The following RCN1 variants were observed in gnomAD, a reference collection of about 807,000 sequenced individuals.
The protein encoded by RCN1 is reticulocalbin-1.
A neutral mutation model predicts 34.7 loss-of-function variants in RCN1; 14 were observed. The observed-to-expected ratio is 0.40, with a 90% CI of 0.27 to 0.63. The LOEUF is 0.63. Ranked by LOEUF, RCN1 falls within the 30% of genes least tolerant of loss-of-function variation. The probability of loss-of-function intolerance (pLI) is 0.37; values close to 1 mark genes in which losing one functional copy is unlikely to be tolerated. For missense variants in RCN1, 326 were observed against 425.1 expected (o/e 0.77, Z 2.05); for synonymous variants, 125 against 165.5 (o/e 0.76, Z 1.88).
chr11:32,104,546 A>C lies in RCN1; in HGVS notation c.*74A>C. 1 of 864,754 alleles carries C rather than the reference A, an allele frequency of 1.2e-6. No homozygotes were observed. Among genetic ancestry groups the C allele is most frequent in the Non-Finnish European group, 1.9e-6 (1 of 529,122 alleles). 53.6% of individuals were successfully genotyped at this position (864,754 alleles called of 1,614,324 possible). A position where few individuals can be genotyped will look rare whatever the true frequency, so the allele number is the denominator to read the frequency against. On this transcript the variant is annotated 3_prime_UTR_variant, in exon 6 of 6. Transcript: ENST00000054950. The stretch of plus-strand genomic sequence containing the variant: ...TCTTGGATTGTTGCTACAATTGTCT[A>C]ATTTACAGCAGTTGTGATCCCACAA...
At chr11:32,100,673 C>G in intron 4 of RCN1, 65 bp downstream of exon 4, 1 of 1,315,936 alleles carries the variant, frequency 7.6e-7, no homozygotes. Flanking sequence ...ACCCACACGT[C>G]TGGCTACTTT....
chr11:32,100,522 A>C, intron 3 of RCN1, 26 bp from the exon 4 acceptor site: 2 of 1,602,090 alleles, frequency 1.2e-6, no homozygotes, highest in Middle Eastern at 1.7e-4. Flanking sequence ...GCCATCTTGC[A>C]TTCTGTTTTA....
At chr11:32,101,675 C>T (rs923464731) in intron 4 of RCN1, among the ~76,000 whole-genome samples, 5 of 152,102 alleles carry the variant, frequency 3.3e-5, no homozygotes, top group Admixed American at 1.3e-4. Context: ...AGGTAGCTCT[C>T]GCCACAGTAA....
chr11:32,091,125 G>A lies in RCN1; in HGVS notation c.-72G>A. On this transcript the variant is annotated 5_prime_UTR_variant, in exon 1 of 6. Transcript: ENST00000054950. ...CCCTGTCGCTGCCGCCGCGCTCCGA[G>A]TCCCCATTCCCGAGCTGCCGCTGTT... The A allele has an allele frequency of 1.5e-6, 2 of 1,363,054 alleles. No individual in the cohort carries two copies. Among genetic ancestry groups the A allele is most frequent in the South Asian group, 1.7e-5 (1 of 57,236 alleles). The allele number at this position is 1,363,054 out of a possible 1,614,324, so 84.4% of individuals were successfully genotyped here.
intron 1 of RCN1, among the ~76,000 whole-genome samples, chr11:32,094,249 T>C (rs977163747): frequency 1.3e-5 from 2 of 152,054 alleles, no homozygotes; most frequent in Admixed American, 6.5e-5. Flanking sequence ...GTCCTGAAAA[T>C]GTGACAGCTC....
intron 1 of RCN1, 139 bp downstream of exon 1, chr11:32,091,589 G>C (rs1851922528): frequency 9.0e-7 from 1 of 1,111,866 alleles, no homozygotes; most frequent in Non-Finnish European, 1.2e-6. Context: ...TGCCCAACTC[G>C]GCGCTGGGGC....
At chr11:32,094,717 C>T (rs1416196400) in intron 1 of RCN1, among the ~76,000 whole-genome samples, 1 of 152,146 alleles carries the variant, frequency 6.6e-6, no homozygotes, top group African/African-American at 2.4e-5. Flanking sequence ...TCCTTTATTC[C>T]TCACAACATT....
intron 3 of RCN1, among the ~76,000 whole-genome samples, chr11:32,099,095 G>A (rs1021084605): frequency 6.6e-5 from 10 of 152,102 alleles, no homozygotes; most frequent in South Asian, 4.1e-4. Context: ...CGAGGCAGGC[G>A]GATCATGAGG....
chr11:32,102,277 AGTG>A (rs1030834836), intron 4 of RCN1: 5 of 150,958 alleles, frequency 3.3e-5, no homozygotes, highest in Non-Finnish European at 5.9e-5. Context: ...GGGGAAAAAA[AGTG>A]AGCCCATTTT....
chr11:32,098,509 T>A lies in RCN1; in HGVS notation c.608T>A (p.Met203Lys). 4 of 1,610,020 alleles carry A rather than the reference T, an allele frequency of 2.5e-6. No homozygotes were observed. The highest frequency in any genetic ancestry group is 3.4e-6 in the Non-Finnish European group (4 of 1,178,834). ...CTGCATCCTGAAGAGTTTGAACATATGAAGGAAATTGTGGTTTTGGTAAGA... is the reference window on the plus strand; with the variant it reads ...CTGCATCCTGAAGAGTTTGAACATAAGAAGGAAATTGTGGTTTTGGTAAGA... Reference protein sequence around the residue: ...AFLHPEEFEHMKEIVVLETLE... With the variant: ...AFLHPEEFEHKKEIVVLETLE... Residue 203 changes from methionine to lysine, a missense_variant, in exon 3 of 6, where the codon ATG (methionine) becomes AAG (lysine). By Grantham distance (95) the Met-to-Lys change is moderately conservative (BLOSUM62 -1). Coordinates refer to ENST00000054950, the MANE Select transcript of RCN1 (RefSeq NM_002901.4).
At chr11:32,097,372 G>T in intron 2 of RCN1, 35 bp downstream of exon 2, 2 of 1,464,606 alleles carry the variant, frequency 1.4e-6, no homozygotes, top group East Asian at 2.4e-5. Flanking sequence ...ACACAGTGGG[G>T]GCCCAGATCA....
At chr11:32,103,640 C>T (rs1313812626) in intron 5 of RCN1, among the ~76,000 whole-genome samples, 160 bp downstream of exon 5, 3 of 152,156 alleles carry the variant, frequency 2.0e-5, no homozygotes, top group Non-Finnish European at 2.9e-5. Context: ...GAGCTAATAC[C>T]GTGATAACCC....
At chr11:32,099,020 C>T (rs1852005483) in intron 3 of RCN1, among the ~76,000 whole-genome samples, 1 of 152,150 alleles carries the variant, frequency 6.6e-6, no homozygotes, top group South Asian at 2.1e-4. Context: ...AGATACGTGC[C>T]TAGAAAGAGT....
chr11:32,103,274 C>A lies in RCN1; in HGVS notation c.689-7C>A. On this transcript the variant is annotated splice_polypyrimidine_tract_variant and splice_region_variant and intron_variant, in intron 4 of 5. Coordinates refer to ENST00000054950, the MANE Select transcript of RCN1 (RefSeq NM_002901.4). ...CCTTTGTAACCAACAATAACCTTCC[C>A]TTCTAGCGGATATGTTTTCCCATGA... The A allele has an allele frequency of 1.2e-6, 2 of 1,613,592 alleles. No individual in the cohort carries two copies. Among genetic ancestry groups the A allele is most frequent in the Non-Finnish European group, 1.7e-6 (2 of 1,179,518 alleles).
At chr11:32,101,665 A>G (rs959539941) in intron 4 of RCN1, among the ~76,000 whole-genome samples, 2 of 152,184 alleles carry the variant, frequency 1.3e-5, no homozygotes, top group African/African-American at 2.4e-5. Context: ...GTAACAGACA[A>G]GGTAGCTCTC....
At chr11:32,093,673 G>T (rs1851943463) in intron 1 of RCN1, among the ~76,000 whole-genome samples, 1 of 152,144 alleles carries the variant, frequency 6.6e-6, no homozygotes, top group Non-Finnish European at 1.5e-5. Flanking sequence ...GGGAAGGGAA[G>T]TGAGAGGTGA....
intron 4 of RCN1, chr11:32,103,012 A>C (rs1289496791): frequency 1.8e-6 from 1 of 569,448 alleles, no homozygotes; most frequent in Non-Finnish European, 3.3e-6. Flanking sequence ...AGACAAGGAA[A>C]CTTCAGGCTC....
chr11:32,096,910 C>T, intron 1 of RCN1: 1 of 464,998 alleles, frequency 2.2e-6, no homozygotes, highest in Admixed American at 3.9e-5. Context: ...GGGGCACGAT[C>T]CATTAGCAGT....
intron 4 of RCN1, chr11:32,102,832 C>T (rs1852061425): frequency 3.1e-6 from 1 of 322,998 alleles, no homozygotes; most frequent in African/African-American, 2.3e-5. Flanking sequence ...CAAATGAAAA[C>T]TGTGTGTAGA....
Sources: gnomAD v4.1 joint callset for allele counts (sites outside exome capture counted in the v4.1 genomes callset) on GRCh38, gnomAD v4.1.1 for gene constraint, MANE v1.5 for transcripts, NCBI Gene and HGNC (gene_info 2026-07-23, HGNC 2026-07-21) for gene names.